The following BPIFC variants were observed in gnomAD, a reference collection of about 807,000 sequenced individuals.
BPIFC encodes the protein BPI fold containing family C, also known as BPI fold-containing family C protein.
A neutral mutation model predicts 57.6 loss-of-function variants in BPIFC; 60 were observed. The ratio of observed to expected loss-of-function variants is 1.04; its 90% CI spans 0.85 to 1.29. The LOEUF is 1.29. Ranked by LOEUF, BPIFC falls within the 50% of genes most tolerant of loss-of-function variation. The probability of loss-of-function intolerance (pLI) is 0.00; values close to 1 mark genes in which losing one functional copy is unlikely to be tolerated. For missense variants in BPIFC, 581 were observed against 600.5 expected (o/e 0.97, Z 0.34); for synonymous variants, 243 against 224.5 (o/e 1.08, Z -0.74).
In BPIFC at chr22:32,422,790, A is replaced by G. The variant is rs1191475112; in HGVS notation, c.1218-3386T>C. Among the ~76,000 whole-genome samples the G allele has an allele frequency of 7.2e-5, 11 of 152,072 alleles. No individual in the cohort carries two copies. In the East Asian group the frequency reaches 2.1e-3, roughly 29 times the overall value. On this transcript the variant is annotated intron_variant, in intron 13 of 16. Transcript: ENST00000300399. ...TGTGTATGTGTGTGTGTGAGCATGC[A>G]TGTGTATGTGATATGGGGCATATCA... is the stretch of plus-strand genomic sequence containing the variant.
intron 2 of BPIFC, among the ~76,000 whole-genome samples, chr22:32,460,350 T>G (rs961396545): frequency 4.9e-4 from 74 of 152,266 alleles, no homozygotes; most frequent in African/African-American, 1.7e-3. Context: ...GGCTGGAATT[T>G]TGTCTAGTGC....
At chr22:32,429,509 GTTT>G (rs780948561) in intron 13 of BPIFC, among the ~76,000 whole-genome samples, 9 of 56,646 alleles carry the variant, frequency 1.6e-4, no homozygotes, top group South Asian at 7.4e-4. Flanking sequence ...ACTGGCCTTT[GTTT>G]TTTTTTTTTT....
chr22:32,417,360 T>C (rs1381983009), intron 14 of BPIFC, among the ~76,000 whole-genome samples: 1 of 152,038 alleles, frequency 6.6e-6, no homozygotes, highest in African/African-American at 2.4e-5. Context: ...AAATTTTTTT[T>C]AGGGACAGAG....
intron 16 of BPIFC, among the ~76,000 whole-genome samples, chr22:32,414,688 A>G (rs1933619391): frequency 6.6e-6 from 1 of 151,772 alleles, no homozygotes; most frequent in Non-Finnish European, 1.5e-5. Flanking sequence ...TAATTTTTGT[A>G]TTTTTAGTAG....
At position 32,432,439 on chromosome 22, in the gene BPIFC, A is replaced by G; in HGVS notation, c.1083T>C (p.Pro361=). ...LQPGNFTLDI[P]ASIMMLTQPK... is the part of the protein sequence containing the mutation. ...GTTGGGTGAGCATCATGATGGAGGC[A>G]GGGATGTCCAGGGTGAAATTGCCTG... Residue 361 remains proline (P), a synonymous_variant, in exon 12 of 17, where the codon CCT becomes CCC. Transcript: ENST00000300399. 1 of 1,614,140 alleles carries G rather than the reference A, an allele frequency of 6.2e-7. No individual in the cohort carries two copies. The highest frequency in any genetic ancestry group is 8.5e-7 in the Non-Finnish European group (1 of 1,180,040).
intron 11 of BPIFC, 58 bp downstream of exon 11, chr22:32,433,661 C>A: frequency 1.3e-6 from 2 of 1,485,068 alleles, no homozygotes; most frequent in Non-Finnish European, 1.9e-6. Context: ...ACAAGTCTTC[C>A]AGAAGTAATT....
At chr22:32,419,637 C>A (rs1933779425) in intron 13 of BPIFC, among the ~76,000 whole-genome samples, 1 of 151,782 alleles carries the variant, frequency 6.6e-6, no homozygotes, top group Admixed American at 6.6e-5. Context: ...AACCCTGACT[C>A]TACTAAAAAA....
At chr22:32,454,277 G>A (rs2145963667) in intron 3 of BPIFC, among the ~76,000 whole-genome samples, 1 of 152,272 alleles carries the variant, frequency 6.6e-6, no homozygotes. Flanking sequence ...TTTTTGGCCT[G>A]TGGTTCTTGG....
intron 13 of BPIFC, among the ~76,000 whole-genome samples, chr22:32,425,180 A>G (rs1392746513): frequency 6.6e-6 from 1 of 152,210 alleles, no homozygotes; most frequent in Non-Finnish European, 1.5e-5. Context: ...ACCCAGGTTC[A>G]AGTTCTGGCT....
intron 3 of BPIFC, among the ~76,000 whole-genome samples, chr22:32,453,858 G>A (rs979194659): frequency 6.6e-6 from 1 of 152,140 alleles, no homozygotes; most frequent in Non-Finnish European, 1.5e-5. Context: ...TGAGGCGGGA[G>A]GATCGCTTGA....
chr22:32,420,923 A>T (rs1933830458), intron 13 of BPIFC, among the ~76,000 whole-genome samples: 1 of 152,226 alleles, frequency 6.6e-6, no homozygotes, highest in African/African-American at 2.4e-5. Flanking sequence ...TGCACATAAA[A>T]TGCTTAGAAC....
Position 32,424,574 on chromosome 22 carries a change from TTTCTTC to T in BPIFC, c.1218-5176_1218-5171del, listed in dbSNP as rs148930460. Among the ~76,000 whole-genome samples, 27 of 68,984 alleles carry T rather than the reference TTTCTTC, an allele frequency of 3.9e-4. 4 individuals are homozygous for T. The highest frequency in any genetic ancestry group is 1.9e-3 in the African/African-American group (19 of 9,820). 45.3% of individuals were successfully genotyped at this position (68,984 alleles called of 152,430 possible). ...TTCCTAAATCTTAAGTGTTATTTTC[TTTCTTC>T]TTCTTCTTCTTCTTCTTCTTCTCCT... On this transcript the variant is annotated intron_variant, in intron 13 of 16. Transcript: ENST00000300399.
intron 13 of BPIFC, among the ~76,000 whole-genome samples, chr22:32,426,295 C>T (rs1934066247): frequency 6.6e-6 from 1 of 152,172 alleles, no homozygotes; most frequent in South Asian, 2.1e-4. Context: ...AAGACCAAAC[C>T]AGCTCATCTT....
At chr22:32,441,538 G>T (rs893539143) in intron 8 of BPIFC, among the ~76,000 whole-genome samples, 1 of 152,138 alleles carries the variant, frequency 6.6e-6, no homozygotes, top group African/African-American at 2.4e-5. Flanking sequence ...AGAGAGAGAT[G>T]TCCAAAGTGT....
intron 9 of BPIFC, among the ~76,000 whole-genome samples, chr22:32,436,363 AG>A (rs1934396145): frequency 3.0e-5 from 3 of 98,886 alleles, no homozygotes; most frequent in South Asian, 5.7e-4. Context: ...GAGGAGGAGG[AG>A]GAGGAGGAGG....
rs1365742975 is a variant in BPIFC, at chr22:32,457,512, T to G, written c.1-126A>C. 3 of 1,043,332 alleles carry G rather than the reference T, an allele frequency of 2.9e-6. No homozygotes were observed. The East Asian group carries it at 8.0e-5, about 28-fold the overall frequency. The allele number at this position is 1,043,332 out of a possible 1,614,324, so 64.6% of individuals were successfully genotyped here. On this transcript the variant is annotated intron_variant, in intron 2 of 16. Coordinates refer to ENST00000300399, the MANE Select transcript of BPIFC (RefSeq NM_174932.3). ...TCCAGAACTCAATACATCCATCCAA[T>G]CCATCCATTCATCCATCCATCCATC... is the stretch of plus-strand genomic sequence containing the variant.
chr22:32,425,294 T>A (rs1410069523), intron 13 of BPIFC, among the ~76,000 whole-genome samples: 1 of 152,178 alleles, frequency 6.6e-6, no homozygotes, highest in Non-Finnish European at 1.5e-5. Flanking sequence ...TTTAATCTAC[T>A]GACATTTATT....
At chr22:32,450,608 TA>T (rs1006943166) in intron 4 of BPIFC, among the ~76,000 whole-genome samples, 1 of 151,994 alleles carries the variant, frequency 6.6e-6, no homozygotes, top group South Asian at 2.1e-4. Context: ...TTTCTTTTTT[TA>T]AAAAAATAAG....
intron 2 of BPIFC, among the ~76,000 whole-genome samples, chr22:32,460,426 C>A (rs1344497515): frequency 6.6e-6 from 1 of 152,176 alleles, no homozygotes; most frequent in Non-Finnish European, 1.5e-5. Context: ...GGGTATTTTG[C>A]TGGAGGCCAA....
Sources: gnomAD v4.1 joint callset for allele counts (sites outside exome capture counted in the v4.1 genomes callset) on GRCh38, gnomAD v4.1.1 for gene constraint, MANE v1.5 for transcripts, NCBI Gene and HGNC (gene_info 2026-07-23, HGNC 2026-07-21) for gene names.